HSD17B11: variants seen among roughly 807,000 people sequenced by gnomAD.
HSD17B11 encodes estradiol 17-beta-dehydrogenase 11.
A neutral mutation model predicts 27.8 loss-of-function variants in HSD17B11; 22 were observed. The ratio of observed to expected loss-of-function variants is 0.79; its 90% CI spans 0.56 to 1.13. The LOEUF is 1.13. Among genes scored for constraint, HSD17B11 ranks in the 50% most tolerant of loss-of-function variants. HSD17B11 has a pLI of 0.00. For synonymous variants in HSD17B11, 117 were observed against 132.8 expected, an observed-to-expected ratio of 0.88 and a Z score of 0.82; for missense variants, 314 against 351.1, an observed-to-expected ratio of 0.89 and a Z score of 0.84.
At chr4:87,378,949 TATATATATATA>T (rs1560769693) in intron 2 of HSD17B11, among the ~76,000 whole-genome samples, 1,756 of 25,146 alleles carry the variant, frequency 0.07, 234 homozygotes, top group African/African-American at 0.14. Context: ...TATATATATT[TATATATATATA>T]TTTTTTTTTT....
chr4:87,391,040 G>A lies in HSD17B11; in HGVS notation c.31C>T (p.Leu11Phe), dbSNP rs1329912009. The A allele has an allele frequency of 1.2e-6, 2 of 1,613,588 alleles. No homozygotes were observed. The highest frequency in any genetic ancestry group is 1.7e-5 in the Admixed American group (1 of 59,964). The change falls in exon 1 of 7, where the codon CTC becomes TTC. Residue 11 changes from leucine to phenylalanine, a missense_variant. Leu to Phe is a conservative substitution (Grantham distance 22, BLOSUM62 0). Coordinates refer to ENST00000358290, the MANE Select transcript of HSD17B11 (RefSeq NM_016245.5). ...AGGGAGCAGACGATCAGTAACGGGA[G>A]AAGCAGGAGGATGTCCAGAAGAAAT... MKFLLDILLL[L>F]PLLIVCSLES... is the part of the protein sequence containing the mutation.
chr4:87,359,629 G>A (rs570574603), intron 4 of HSD17B11, among the ~76,000 whole-genome samples: 4 of 152,138 alleles, frequency 2.6e-5, no homozygotes, highest in East Asian at 1.9e-4. Context: ...CTCTCACGGC[G>A]CTGGGATTAT....
At chr4:87,353,752 T>C (rs1157237543) in intron 5 of HSD17B11, among the ~76,000 whole-genome samples, 2 of 152,148 alleles carry the variant, frequency 1.3e-5, no homozygotes, top group Non-Finnish European at 2.9e-5. Flanking sequence ...GGTTAAAAAA[T>C]TCAATTATAA....
chr4:87,362,061 G>A (rs1473385844), intron 4 of HSD17B11, among the ~76,000 whole-genome samples: 1 of 152,182 alleles, frequency 6.6e-6, no homozygotes, highest in Non-Finnish European at 1.5e-5. Context: ...GAGTAAGTGG[G>A]GTGCCTACAC....
intron 4 of HSD17B11, among the ~76,000 whole-genome samples, chr4:87,367,963 C>T (rs1735638732): frequency 6.6e-6 from 1 of 152,196 alleles, no homozygotes. Flanking sequence ...ACAGGACAGG[C>T]TTACTAAATG....
intron 5 of HSD17B11, among the ~76,000 whole-genome samples, chr4:87,356,149 C>G (rs1356890745): frequency 1.3e-5 from 2 of 152,126 alleles, no homozygotes; most frequent in South Asian, 2.1e-4. Context: ...GTAAGTTGCT[C>G]TCCCTGCACT....
At chr4:87,363,463 C>A (rs1437796592) in intron 4 of HSD17B11, among the ~76,000 whole-genome samples, 1 of 152,136 alleles carries the variant, frequency 6.6e-6, no homozygotes, top group Admixed American at 6.5e-5. Flanking sequence ...CCTGTAAGCC[C>A]GCTTTTCAAG....
chr4:87,363,403 C>T (rs1219664919), intron 4 of HSD17B11, among the ~76,000 whole-genome samples: 7 of 152,176 alleles, frequency 4.6e-5, no homozygotes, highest in Non-Finnish European at 7.3e-5. Flanking sequence ...GCTATGAATT[C>T]GTTTTTCCGT....
chr4:87,376,984 G>C (rs1241014477), intron 2 of HSD17B11, among the ~76,000 whole-genome samples: 1 of 151,990 alleles, frequency 6.6e-6, no homozygotes, highest in African/African-American at 2.4e-5. Context: ...ACAAAAATTA[G>C]GTGAGTGTGG....
chr4:87,384,238 T>C (rs549395859), intron 1 of HSD17B11, among the ~76,000 whole-genome samples: 1 of 152,370 alleles, frequency 6.6e-6, no homozygotes, highest in Non-Finnish European at 1.5e-5. Context: ...TTCTTATGCC[T>C]GTAATCTCTT....
intron 4 of HSD17B11, 47 bp downstream of exon 4, chr4:87,372,662 C>T (rs773113118): frequency 2.6e-6 from 3 of 1,147,626 alleles, no homozygotes; most frequent in Non-Finnish European, 4.0e-6. Flanking sequence ...AAATCTCACA[C>T]ACAAGGTAGG....
chr4:87,371,548 C>T (rs920868110), intron 4 of HSD17B11, among the ~76,000 whole-genome samples: 1 of 152,152 alleles, frequency 6.6e-6, no homozygotes, highest in Non-Finnish European at 1.5e-5. Flanking sequence ...TTGAGCTGCA[C>T]ACTTACGACT....
chr4:87,346,990 A>AT (rs1356502813), intron 5 of HSD17B11, among the ~76,000 whole-genome samples: 6 of 152,058 alleles, frequency 3.9e-5, no homozygotes, highest in Admixed American at 6.5e-5. Context: ...TTTAATTCCA[A>AT]TAAACCCAGA....
chr4:87,384,868 C>T (rs1029244174), intron 1 of HSD17B11, among the ~76,000 whole-genome samples: 1 of 151,888 alleles, frequency 6.6e-6, no homozygotes, highest in Admixed American at 6.6e-5. Context: ...GTTCTTACAC[C>T]CCCACCCCTT....
intron 1 of HSD17B11, among the ~76,000 whole-genome samples, chr4:87,388,189 T>G (rs1578049781): frequency 1.3e-5 from 2 of 149,436 alleles, no homozygotes; most frequent in Admixed American, 6.7e-5. Context: ...AACAATCTAG[T>G]GGCATATTTT....
intron 1 of HSD17B11, among the ~76,000 whole-genome samples, chr4:87,387,850 G>A (rs773955176): frequency 1.6e-4 from 24 of 151,922 alleles, no homozygotes; most frequent in Non-Finnish European, 2.9e-4. Flanking sequence ...CCATTACTCC[G>A]AATCTCTGCT....
At chr4:87,380,477 AAAAAAAAAAAAG>A (rs1192393976) in intron 2 of HSD17B11, among the ~76,000 whole-genome samples, 2 of 133,612 alleles carry the variant, frequency 1.5e-5, no homozygotes, top group African/African-American at 5.7e-5. Flanking sequence ...TCTCAAAAAA[AAAAAAAAAAAAG>A]AAAAAAGAAA....
chr4:87,364,688 C>T (rs1414589807), intron 4 of HSD17B11, among the ~76,000 whole-genome samples: 1 of 152,226 alleles, frequency 6.6e-6, no homozygotes, highest in African/African-American at 2.4e-5. Context: ...AAAAGCACTG[C>T]ATTGTCTTCT....
At chr4:87,344,415 A>G (rs1044495076) in intron 5 of HSD17B11, among the ~76,000 whole-genome samples, 8 of 152,240 alleles carry the variant, frequency 5.3e-5, no homozygotes, top group African/African-American at 1.9e-4. Context: ...TTAGTTGGAA[A>G]GAGATAATTT....
Sources: gnomAD v4.1 joint callset for allele counts (sites outside exome capture counted in the v4.1 genomes callset) on GRCh38, gnomAD v4.1.1 for gene constraint, MANE v1.5 for transcripts, NCBI Gene and HGNC (gene_info 2026-07-23, HGNC 2026-07-21) for gene names.